The following DLG2 variants were observed in gnomAD, a reference collection of about 807,000 sequenced individuals.
DLG2 encodes disks large homolog 2.
In DLG2, 45 loss-of-function variants were observed where a neutral mutation model predicts 132.5. The ratio of observed to expected loss-of-function variants is 0.34; its 90% CI spans 0.27 to 0.44. The LOEUF (loss-of-function observed/expected upper bound fraction) is 0.44, where lower values mean the gene tolerates loss of function less well. DLG2 is among the 20% of genes least tolerant of loss of function. The pLI is 1.00. For missense variants in DLG2, 1,045 were observed against 1,196.9 expected (o/e 0.87, Z 1.87); for synonymous variants, 424 against 419.6 (o/e 1.01, Z -0.13).
At chr11:84,947,604 G>A (rs1303573006) in intron 6 of DLG2, among the ~76,000 whole-genome samples, 4 of 152,092 alleles carry the variant, frequency 2.6e-5, no homozygotes, top group African/African-American at 4.8e-5. Flanking sequence ...CCACTTTTGA[G>A]TCTGCCAAAT....
chr11:84,197,036 C>CAAAAAAAAAAAAAAAAAAAA (rs60877284), intron 8 of DLG2, among the ~76,000 whole-genome samples: 20 of 87,888 alleles, frequency 2.3e-4, no homozygotes, highest in Non-Finnish European at 3.0e-4. Context: ...GACTCTTTCT[C>CAAAAAAAAAAAAAAAAAAAA]AAAAAAAAAA....
chr11:83,893,522 T>C (rs61901780), intron 15 of DLG2, among the ~76,000 whole-genome samples: 13,889 of 152,260 alleles, frequency 0.091, 802 homozygotes, highest in Middle Eastern at 0.19. Context: ...GGACACCTCC[T>C]TTTCATTCAG....
chr11:83,502,652 C>G (rs1223605890), intron 21 of DLG2, among the ~76,000 whole-genome samples: 1 of 152,060 alleles, frequency 6.6e-6, no homozygotes, highest in Non-Finnish European at 1.5e-5. Context: ...CTAAGGGCTC[C>G]TCTCCTCTTC....
At chr11:83,863,738 T>C (rs1282282684) in intron 16 of DLG2, among the ~76,000 whole-genome samples, 1 of 152,126 alleles carries the variant, frequency 6.6e-6, no homozygotes, top group African/African-American at 2.4e-5. Context: ...AAAGGTTTAG[T>C]AACAGCTCAA....
intron 7 of DLG2, chr11:84,273,161 G>T: frequency 6.5e-7 from 1 of 1,530,898 alleles, no homozygotes; most frequent in Non-Finnish European, 8.7e-7. Flanking sequence ...CGGAATAAAT[G>T]CATGTTGCAT....
At chr11:84,738,139 C>T (rs1047540555) in intron 6 of DLG2, among the ~76,000 whole-genome samples, 1 of 151,992 alleles carries the variant, frequency 6.6e-6, no homozygotes, top group Non-Finnish European at 1.5e-5. Flanking sequence ...AGGTATCATC[C>T]ATCCTGAGAG....
In DLG2 at chr11:84,724,301, T is replaced by C. The variant is rs1419566726; in HGVS notation, c.358-189570A>G. 3.9e-5 allele frequency among the ~76,000 whole-genome samples: 6 copies of C among 152,206 alleles called. No homozygotes were observed. The East Asian group carries it at 9.6e-4, about 24-fold the overall frequency. On this transcript the variant is annotated intron_variant, in intron 6 of 27. Transcript: ENST00000376104. ...TACATTTTTATGAATGTAAAGTAAA[T>C]TTGAGAAACCATTTTGTTCAGTTAC...
chr11:85,477,642 G>T (rs966803215), intron 3 of DLG2, among the ~76,000 whole-genome samples: 1 of 152,142 alleles, frequency 6.6e-6, no homozygotes. Context: ...AGGGCTGATA[G>T]CCTCTACCTA....
At chr11:85,394,950 C>A (rs1168250942) in intron 3 of DLG2, among the ~76,000 whole-genome samples, 2 of 152,180 alleles carry the variant, frequency 1.3e-5, no homozygotes, top group Non-Finnish European at 2.9e-5. Context: ...CTTGCTGGAA[C>A]ATGTATACTT....
chr11:84,043,218 T>A (rs1490184490), intron 11 of DLG2, among the ~76,000 whole-genome samples: 2 of 151,498 alleles, frequency 1.3e-5, no homozygotes, highest in Non-Finnish European at 2.9e-5. Context: ...ATTTAAAAAA[T>A]TTATTGCTTA....
At chr11:83,672,792 G>A (rs2077042381) in intron 18 of DLG2, among the ~76,000 whole-genome samples, 1 of 152,208 alleles carries the variant, frequency 6.6e-6, no homozygotes, top group Non-Finnish European at 1.5e-5. Context: ...GCTGGATGCG[G>A]TGGCTCACGC....
chr11:83,924,698 T>A (rs1199085553), intron 15 of DLG2, among the ~76,000 whole-genome samples: 1 of 152,140 alleles, frequency 6.6e-6, no homozygotes, highest in African/African-American at 2.4e-5. Flanking sequence ...CCTGAGGTAC[T>A]ATTCAGGGGC....
chr11:85,563,934 T>C (rs1315392284), intron 3 of DLG2, among the ~76,000 whole-genome samples: 1 of 152,138 alleles, frequency 6.6e-6, no homozygotes, highest in East Asian at 1.9e-4. Flanking sequence ...CCACCAGAAA[T>C]GTATGGGTTC....
At chr11:84,403,268 T>C (rs1252158462) in intron 7 of DLG2, among the ~76,000 whole-genome samples, 1 of 152,142 alleles carries the variant, frequency 6.6e-6, no homozygotes, top group East Asian at 1.9e-4. Flanking sequence ...TATCATGTGG[T>C]TATCACTCTG....
chr11:85,023,694 T>C (rs1339293221), intron 6 of DLG2, among the ~76,000 whole-genome samples: 1 of 152,038 alleles, frequency 6.6e-6, no homozygotes, highest in Admixed American at 6.6e-5. Context: ...ATGTACTATA[T>C]CTCGATAACT....
chr11:85,441,045 TATG>T (rs1447813113), intron 3 of DLG2, among the ~76,000 whole-genome samples: 2 of 152,230 alleles, frequency 1.3e-5, no homozygotes, highest in Non-Finnish European at 2.9e-5. Flanking sequence ...TTTCAGCTTT[TATG>T]ATAACTGTGT....
At chr11:85,291,544 T>G (rs1340711719) in intron 3 of DLG2, among the ~76,000 whole-genome samples, 1 of 151,648 alleles carries the variant, frequency 6.6e-6, no homozygotes, top group East Asian at 1.9e-4. Flanking sequence ...CCAAAGCTGT[T>G]TAATCCCAAA....
chr11:85,408,604 T>C (rs967722037), intron 3 of DLG2, among the ~76,000 whole-genome samples: 4 of 142,968 alleles, frequency 2.8e-5, no homozygotes, highest in Non-Finnish European at 4.5e-5. Flanking sequence ...TGTCCATGTG[T>C]TCTCATTGTT....
intron 7 of DLG2, among the ~76,000 whole-genome samples, chr11:84,266,218 C>T (rs1319464158): frequency 6.6e-6 from 1 of 152,072 alleles, no homozygotes; most frequent in Non-Finnish European, 1.5e-5. Flanking sequence ...ATCACAAGAC[C>T]GGTAGTCAAA....
Sources: gnomAD v4.1 joint callset for allele counts (sites outside exome capture counted in the v4.1 genomes callset) on GRCh38, gnomAD v4.1.1 for gene constraint, MANE v1.5 for transcripts, NCBI Gene and HGNC (gene_info 2026-07-23, HGNC 2026-07-21) for gene names.